Variants in STYXL1 observed in about 807,000 individuals in gnomAD.
STYXL1 encodes serine/threonine/tyrosine interacting like 1.
Under a neutral mutation model 36.4 loss-of-function variants are expected in STYXL1, and 32 were observed. The ratio of observed to expected loss-of-function variants is 0.88; its 90% CI spans 0.66 to 1.18. STYXL1 has a LOEUF of 1.18. Among genes scored for constraint, STYXL1 ranks in the 50% most tolerant of loss-of-function variants. The pLI, the probability that STYXL1 is intolerant of heterozygous loss-of-function variation, is 0.00. For missense variants in STYXL1, 354 were observed against 394.1 expected, an observed-to-expected ratio of 0.90 and a Z score of 0.86; for synonymous variants, 133 against 144.1, an observed-to-expected ratio of 0.92 and a Z score of 0.55.
At chr7:76,000,105 C>A (rs896686795) in intron 8 of STYXL1, among the ~76,000 whole-genome samples, 1 of 150,682 alleles carries the variant, frequency 6.6e-6, no homozygotes, top group African/African-American at 2.4e-5. Context: ...ACAGGAGAAT[C>A]GCTTGAACCC....
intron 1 of STYXL1, among the ~76,000 whole-genome samples, chr7:76,033,174 C>A (rs1239642817): frequency 6.6e-6 from 1 of 152,064 alleles, no homozygotes; most frequent in Non-Finnish European, 1.5e-5. Context: ...GAGACAGGGT[C>A]TTTTTCTGTC....
intron 3 of STYXL1, among the ~76,000 whole-genome samples, chr7:76,024,440 G>A (rs1554577120): frequency 1.3e-5 from 2 of 151,810 alleles, no homozygotes; most frequent in African/African-American, 4.8e-5. Flanking sequence ...GTAACATAGC[G>A]AGACCCCATC....
intron 8 of STYXL1, among the ~76,000 whole-genome samples, chr7:75,999,505 GTGTGTA>G (rs1370463542): frequency 0.018 from 1,495 of 80,972 alleles, 9 homozygotes; most frequent in African/African-American, 0.023. Flanking sequence ...GTGTGTGTGT[GTGTGTA>G]TGTGTGTGTG....
At chr7:76,017,459 T>C (rs184956237) in intron 4 of STYXL1, among the ~76,000 whole-genome samples, 183 of 152,114 alleles carry the variant, frequency 1.2e-3, no homozygotes, top group South Asian at 1.5e-3. Context: ...AACACAGATA[T>C]AGAAAACCAG....
chr7:76,046,367 C>CGGAGTTTAGCTCTTATCACCCAGGA (rs1797081000), intron 1 of STYXL1, among the ~76,000 whole-genome samples: 1 of 144,276 alleles, frequency 6.9e-6, no homozygotes, highest in African/African-American at 2.6e-5. Flanking sequence ...CGCTTTTGAG[C>CGGAGTTTAGCTCTTATCACCCAGGA]CGGAGTTTAG....
At chr7:76,042,971 G>A (rs1481665628) in intron 1 of STYXL1, among the ~76,000 whole-genome samples, 5 of 151,458 alleles carry the variant, frequency 3.3e-5, no homozygotes, top group Non-Finnish European at 2.9e-5. Context: ...TGAGGCTGGC[G>A]TGAGGCTGGC....
rs781838928 is a variant in STYXL1 at position 75,996,616 on chromosome 7, A to G, written c.811-17T>C. 2 of 1,613,190 alleles carry G rather than the reference A, an allele frequency of 1.2e-6. No homozygotes were observed. The highest frequency in any genetic ancestry group is 1.7e-6 in the Non-Finnish European group (2 of 1,179,372). ...CCAGGACCTCTATGAATACAAAGAG[A>G]GAAAGTGAACTTCACGATTGGTCCT... On this transcript the variant is annotated splice_polypyrimidine_tract_variant and intron_variant, in intron 8 of 8. Transcript: ENST00000359697.
intron 4 of STYXL1, among the ~76,000 whole-genome samples, chr7:76,019,135 T>C (rs190181193): frequency 6.6e-6 from 1 of 152,280 alleles, no homozygotes; most frequent in Admixed American, 6.5e-5. Flanking sequence ...GACAGGAAGT[T>C]TGCATAATTA....
At chr7:76,025,650 T>G (rs976644701) in intron 3 of STYXL1, among the ~76,000 whole-genome samples, 35 of 151,632 alleles carry the variant, frequency 2.3e-4, no homozygotes, top group African/African-American at 8.5e-4. Context: ...ATTAGCCAGG[T>G]GTGGTGGCGG....
At chr7:76,039,459 G>T (rs1796266812) in intron 1 of STYXL1, among the ~76,000 whole-genome samples, 1 of 152,162 alleles carries the variant, frequency 6.6e-6, no homozygotes, top group African/African-American at 2.4e-5. Context: ...CCTTGACAAA[G>T]CTGGGTAATA....
chr7:76,028,666 C>G lies in STYXL1; in HGVS notation c.141G>C (p.Val47=). The part of the protein sequence containing the change: ...RSKWEYDESH[V]ITALRVKKKN... ...CCTTCTTCACTCGAAGGGCAGTGAT[C>G]ACATGGCTTTCGTCATACTCCCATT... The change falls in exon 3 of 9, where the codon GTG becomes GTC. Residue 47 remains valine (V), a synonymous_variant. Transcript: ENST00000359697. 2 of 1,614,124 alleles carry G rather than the reference C, an allele frequency of 1.2e-6. No individual in the cohort carries two copies. The highest frequency in any genetic ancestry group is 1.7e-6 in the Non-Finnish European group (2 of 1,180,002).
chr7:76,039,485 A>G (rs1585342704), intron 1 of STYXL1, among the ~76,000 whole-genome samples: 1 of 152,088 alleles, frequency 6.6e-6, no homozygotes, highest in Non-Finnish European at 1.5e-5. Context: ...CCAGGTCACA[A>G]CACCCCCAGA....
intron 1 of STYXL1, among the ~76,000 whole-genome samples, chr7:76,043,073 G>A (rs897629837): frequency 4.6e-5 from 7 of 152,194 alleles, no homozygotes; most frequent in Admixed American, 6.5e-5. Flanking sequence ...AGTGTTTCCC[G>A]TTGATCAGAT....
Position 76,028,640 on chromosome 7 carries a change from A to T in STYXL1, c.165+2T>A, listed in dbSNP as rs1554578390. 3.1e-6 allele frequency: 5 copies of T among 1,613,850 alleles called. No individual in the cohort carries two copies. Among genetic ancestry groups the T allele is most frequent in the Non-Finnish European group, 4.2e-6 (5 of 1,179,898 alleles). On this transcript the variant is annotated splice_donor_variant, in intron 3 of 8. Transcript: ENST00000359697. LOFTEE classifies it high-confidence loss of function. ...CCCCAGATCCTGACGCTGCCCATGT[A>T]CCTTCTTCACTCGAAGGGCAGTGAT...
chr7:75,999,966 C>T (rs1184931876), intron 8 of STYXL1, among the ~76,000 whole-genome samples: 1 of 151,896 alleles, frequency 6.6e-6, no homozygotes, highest in Non-Finnish European at 1.5e-5. Flanking sequence ...AATCGTAAAC[C>T]ACCCATCCCC....
intron 1 of STYXL1, among the ~76,000 whole-genome samples, chr7:76,039,588 G>T (rs1554581692): frequency 6.6e-6 from 1 of 152,172 alleles, no homozygotes; most frequent in African/African-American, 2.4e-5. Flanking sequence ...AGAGGGAAGA[G>T]GAGGAGGAGA....
chr7:76,000,981 G>C lies in STYXL1; in HGVS notation c.719C>G (p.Ser240Cys), dbSNP rs1554566971. The C allele has an allele frequency of 3.7e-6, 6 of 1,614,140 alleles. No homozygotes were observed. Among genetic ancestry groups the C allele is most frequent in the Non-Finnish European group, 5.1e-6 (6 of 1,179,968 alleles). Residue 240 changes from serine to cysteine, a missense_variant, in exon 8 of 9, where the codon TCT becomes TGT. Transcript: ENST00000359697. ...HFIEIHHHLG[S>C]VILIFSTQGI... The stretch of plus-strand genomic sequence containing the variant: ...TTGGGTGGAAAAGATCAGAATGACA[G>C]AGCCAAGGTGATGGTGAATTTCTGC...
At chr7:76,047,047 G>A (rs1322794892) in intron 1 of STYXL1, among the ~76,000 whole-genome samples, 3 of 151,396 alleles carry the variant, frequency 2.0e-5, no homozygotes, top group South Asian at 4.2e-4. Flanking sequence ...GGATCACGAG[G>A]TCAGGAGTTC....
At chr7:76,026,260 C>T (rs183784940) in intron 3 of STYXL1, among the ~76,000 whole-genome samples, 6 of 121,904 alleles carry the variant, frequency 4.9e-5, no homozygotes, top group Non-Finnish European at 6.6e-5. Context: ...AAAAGTACAG[C>T]GGGAATGGGG....
Sources: gnomAD v4.1 joint callset for allele counts (sites outside exome capture counted in the v4.1 genomes callset) on GRCh38, gnomAD v4.1.1 for gene constraint, MANE v1.5 for transcripts, NCBI Gene and HGNC (gene_info 2026-07-23, HGNC 2026-07-21) for gene names.